The following C12orf75 variants were observed in gnomAD, a reference collection of about 807,000 sequenced individuals.
C12orf75 encodes the protein overexpressed in colon carcinoma 1 protein.
In C12orf75, 4 loss-of-function variants were observed where a neutral mutation model predicts 11.4. The ratio of observed to expected loss-of-function variants is 0.35; its 90% CI spans 0.17 to 0.80. The LOEUF (loss-of-function observed/expected upper bound fraction) is 0.80. Among genes scored for constraint, C12orf75 ranks in the 30% least tolerant of loss-of-function variants. The pLI is 0.52. For synonymous variants in C12orf75, 30 were observed against 30.0 expected (o/e 1.00, Z 0.00); for missense variants, 89 against 80.4 (o/e 1.11, Z -0.41).
chr12:105,370,604 C>T, intron 5 of C12orf75, 30 bp from the exon 6 acceptor site: 1 of 457,618 alleles, frequency 2.2e-6, no homozygotes, highest in Non-Finnish European at 4.4e-6. Flanking sequence ...TGTTTGCTCA[C>T]TCTTTTCTCC....
chr12:105,353,660 A>G (rs1473360484), intron 2 of C12orf75: 1 of 152,168 alleles, frequency 6.6e-6, no homozygotes. Flanking sequence ...TCGTGTTCTT[A>G]AAGAAGTCTT....
At chr12:105,369,333 A>ATGGC (rs1871565216) in intron 5 of C12orf75, among the ~76,000 whole-genome samples, 1 of 152,182 alleles carries the variant, frequency 6.6e-6, no homozygotes. Context: ...CTTACTGTTC[A>ATGGC]TGGCTGTAAA....
At chr12:105,355,595 TG>T (rs1892770611) in intron 2 of C12orf75, among the ~76,000 whole-genome samples, 1 of 152,184 alleles carries the variant, frequency 6.6e-6, no homozygotes, top group South Asian at 2.1e-4. Context: ...GGAGAGGTTC[TG>T]AGTGAAAATG....
chr12:105,334,850 A>T (rs1440001513), intron 1 of C12orf75, among the ~76,000 whole-genome samples: 1 of 152,226 alleles, frequency 6.6e-6, no homozygotes, highest in Non-Finnish European at 1.5e-5. Flanking sequence ...TCACATTCAT[A>T]TAGACTATGA....
chr12:105,340,289 G>A (rs187853707), intron 1 of C12orf75, among the ~76,000 whole-genome samples: 1 of 152,148 alleles, frequency 6.6e-6, no homozygotes, highest in African/African-American at 2.4e-5. Flanking sequence ...GCCGGGCGTG[G>A]TGGCATGCGC....
chr12:105,332,967 G>A (rs1892454340), intron 1 of C12orf75, among the ~76,000 whole-genome samples: 1 of 151,350 alleles, frequency 6.6e-6, no homozygotes. Flanking sequence ...AGTAGTTTGA[G>A]GAGCAGCCTC....
chr12:105,369,402 T>C (rs921694496), intron 5 of C12orf75, among the ~76,000 whole-genome samples: 5 of 152,216 alleles, frequency 3.3e-5, no homozygotes, highest in African/African-American at 7.2e-5. Context: ...TTTAACTCTT[T>C]CTTTTTTTTC....
At chr12:105,332,157 G>T (rs1892437079) in intron 1 of C12orf75, among the ~76,000 whole-genome samples, 1 of 152,132 alleles carries the variant, frequency 6.6e-6, no homozygotes, top group South Asian at 2.1e-4. Context: ...ACCTGCCTGT[G>T]GCCAGAAAGC....
intron 1 of C12orf75, among the ~76,000 whole-genome samples, chr12:105,347,573 CT>C: frequency 6.6e-6 from 1 of 152,346 alleles, no homozygotes; most frequent in Middle Eastern, 3.4e-3. Flanking sequence ...CAAGTCTGCT[CT>C]TTCCACCTTC....
At chr12:105,355,814 A>G (rs1892774005) in intron 2 of C12orf75, among the ~76,000 whole-genome samples, 1 of 151,866 alleles carries the variant, frequency 6.6e-6, no homozygotes, top group African/African-American at 2.4e-5. Context: ...TTTACAACCA[A>G]TTCTGAAATA....
At chr12:105,354,757 A>G (rs1892754129) in intron 2 of C12orf75, among the ~76,000 whole-genome samples, 2 of 152,118 alleles carry the variant, frequency 1.3e-5, no homozygotes, top group African/African-American at 4.8e-5. Context: ...AGGAGCAGGA[A>G]GAGAGAGAGC....
intron 1 of C12orf75, among the ~76,000 whole-genome samples, chr12:105,345,975 T>G (rs561273274): frequency 6.6e-6 from 1 of 152,126 alleles, no homozygotes; most frequent in Non-Finnish European, 1.5e-5. Context: ...AGCACTTTTT[T>G]AAGTCTGATA....
chr12:105,337,311 A>AAAAC (rs200742391), intron 1 of C12orf75, among the ~76,000 whole-genome samples: 2 of 152,162 alleles, frequency 1.3e-5, no homozygotes, highest in Non-Finnish European at 2.9e-5. Context: ...CCTGTCTTAA[A>AAAAC]AAACAAACAA....
chr12:105,348,164 T>A (rs1892661128), intron 1 of C12orf75, among the ~76,000 whole-genome samples: 1 of 152,152 alleles, frequency 6.6e-6, no homozygotes, highest in Non-Finnish European at 1.5e-5. Context: ...CCTGTAATCC[T>A]AGCACTTTGG....
At chr12:105,350,799 C>T (rs948954187) in intron 2 of C12orf75, among the ~76,000 whole-genome samples, 1 of 152,098 alleles carries the variant, frequency 6.6e-6, no homozygotes, top group Non-Finnish European at 1.5e-5. Flanking sequence ...TCCATCATTG[C>T]TTTTCAAGGA....
intron 2 of C12orf75, among the ~76,000 whole-genome samples, chr12:105,360,535 T>C (rs1357598428): frequency 6.6e-6 from 1 of 152,194 alleles, no homozygotes; most frequent in Non-Finnish European, 1.5e-5. Flanking sequence ...AAATGTAAAA[T>C]TTATTTGCCT....
chr12:105,334,937 C>T (rs1321930615), intron 1 of C12orf75, among the ~76,000 whole-genome samples: 1 of 152,138 alleles, frequency 6.6e-6, no homozygotes, highest in Non-Finnish European at 1.5e-5. Flanking sequence ...GGATAGTTCC[C>T]CATATCTACA....
chr12:105,344,783 A>T (rs546099698), intron 1 of C12orf75, among the ~76,000 whole-genome samples: 200 of 150,546 alleles, frequency 1.3e-3, no homozygotes, highest in African/African-American at 4.7e-3. Flanking sequence ...CTCATGGTCC[A>T]CATTATAATC....
chr12:105,340,590 A>G (rs1416163521), intron 1 of C12orf75, among the ~76,000 whole-genome samples: 1 of 152,088 alleles, frequency 6.6e-6, no homozygotes, highest in Non-Finnish European at 1.5e-5. Flanking sequence ...AAAAGAGAGT[A>G]TTTTTTGGAG....
Sources: allele counts gnomAD v4.1 joint callset (sites outside exome capture counted in the v4.1 genomes callset), GRCh38; gene constraint gnomAD v4.1.1; transcripts MANE v1.5; gene names NCBI Gene and HGNC (gene_info 2026-07-23, HGNC 2026-07-21).